The following IKZF1 variants were observed in gnomAD, a reference collection of about 807,000 sequenced individuals.
IKZF1 encodes the protein IKAROS family zinc finger 1, also known as DNA-binding protein Ikaros.
A neutral mutation model predicts 51.7 loss-of-function variants in IKZF1; 10 were observed. The observed-to-expected ratio is 0.19, with a 90% CI of 0.12 to 0.33. The LOEUF (loss-of-function observed/expected upper bound fraction) is 0.33, where lower values mean the gene tolerates loss of function less well. IKZF1 is among the 10% of genes least tolerant of loss of function. The probability of loss-of-function intolerance (pLI) is 1.00; values close to 1 mark genes in which losing one functional copy is unlikely to be tolerated. For synonymous variants in IKZF1, 280 were observed against 282.3 expected (o/e 0.99, Z 0.08); for missense variants, 484 against 707.5 (o/e 0.68, Z 3.58).
intron 4 of IKZF1, among the ~76,000 whole-genome samples, chr7:50,379,251 G>A (rs77254606): frequency 0.055 from 8,368 of 152,260 alleles, 259 homozygotes; most frequent in East Asian, 0.12. Flanking sequence ...CTGGGGCTTA[G>A]GTACGACGGG....
chr7:50,321,537 T>C (rs1325781156), intron 2 of IKZF1, among the ~76,000 whole-genome samples: 2 of 152,246 alleles, frequency 1.3e-5, no homozygotes, highest in East Asian at 3.8e-4. Flanking sequence ...GCTTTCATTG[T>C]TCTGCTCTTC....
At chr7:50,307,737 A>G (rs1789149487) in intron 1 of IKZF1, among the ~76,000 whole-genome samples, 1 of 152,238 alleles carries the variant, frequency 6.6e-6, no homozygotes, top group African/African-American at 2.4e-5. Context: ...AAAAGGGCAC[A>G]TGTACATTTT....
intron 3 of IKZF1, among the ~76,000 whole-genome samples, chr7:50,373,306 C>T (rs1584864899): frequency 6.6e-6 from 1 of 152,226 alleles, no homozygotes; most frequent in East Asian, 1.9e-4. Flanking sequence ...ACAGCACACG[C>T]CATAGAGCAT....
rs757521297 is a variant in IKZF1 at position 50,382,545 on chromosome 7, C to T, written c.427C>T (p.Arg143Trp). The change falls in exon 5 of 8, where the codon CGG becomes TGG. Residue 143 changes from arginine to tryptophan, a missense_variant. Arg to Trp is a moderately radical substitution (Grantham distance 101, BLOSUM62 -3). Transcript: ENST00000331340. ...CTCTCCTCTCTCCGTCCCAGGAGAA[C>T]GGCCCTTCCAGTGCAATCAGTGCGG... ...MVHKRSHTGE[R>W]PFQCNQCGAS... 2 of 1,612,082 alleles carry T rather than the reference C, an allele frequency of 1.2e-6. No individual in the cohort carries two copies. The highest frequency in any genetic ancestry group is 1.7e-6 in the Non-Finnish European group (2 of 1,178,582).
chr7:50,363,531 A>T (rs1805895655), intron 3 of IKZF1, among the ~76,000 whole-genome samples: 2 of 151,778 alleles, frequency 1.3e-5, no homozygotes, highest in African/African-American at 4.8e-5. Context: ...ACCACCCAGC[A>T]CTCCCCAGCT....
chr7:50,366,248 C>G (rs1441648037), intron 3 of IKZF1, among the ~76,000 whole-genome samples: 1 of 152,034 alleles, frequency 6.6e-6, no homozygotes, highest in South Asian at 2.1e-4. Context: ...TACTCCTGAA[C>G]TTAAAAGTTA....
intron 3 of IKZF1, among the ~76,000 whole-genome samples, chr7:50,332,113 A>T (rs1342162449): frequency 6.6e-6 from 1 of 152,340 alleles, no homozygotes; most frequent in Non-Finnish European, 1.5e-5. Context: ...CATGGCACAC[A>T]TGCTAGAGAA....
intron 6 of IKZF1, among the ~76,000 whole-genome samples, chr7:50,387,897 G>A (rs1813889287): frequency 6.6e-6 from 1 of 152,108 alleles, no homozygotes; most frequent in Non-Finnish European, 1.5e-5. Flanking sequence ...GAACTTTCAG[G>A]CTGTGATTTT....
chr7:50,367,733 C>T, intron 3 of IKZF1: 1 of 372,194 alleles, frequency 2.7e-6, no homozygotes, highest in South Asian at 3.5e-5. Context: ...GGGGCTGCAC[C>T]CTCTAAGATG....
chr7:50,369,102 C>T (rs1000947770), intron 3 of IKZF1: 2 of 230,892 alleles, frequency 8.7e-6, no homozygotes, highest in Admixed American at 1.1e-4. Context: ...AGCTTGATAC[C>T]TACTTTTTGA....
rs577405245 is a variant in IKZF1 at position 50,384,360 on chromosome 7, G to C, written c.589+1653G>C. On this transcript the variant is annotated intron_variant, in intron 5 of 7. Transcript: ENST00000331340. ...TGACCTCCTTCCTGGCGGTGCACATGGAGAAGGATCCCCACATGCTCGCCA... is the reference window on the plus strand; with the variant it reads ...TGACCTCCTTCCTGGCGGTGCACATCGAGAAGGATCCCCACATGCTCGCCA... Among the ~76,000 whole-genome samples, 5 of 152,344 alleles carry C rather than the reference G, an allele frequency of 3.3e-5. No individual in the cohort carries two copies. In the East Asian group the frequency reaches 9.6e-4, roughly 29 times the overall value.
At chr7:50,389,112 C>CATTT (rs1431387655) in intron 6 of IKZF1, among the ~76,000 whole-genome samples, 2 of 152,222 alleles carry the variant, frequency 1.3e-5, no homozygotes, top group African/African-American at 2.4e-5. Context: ...AAGCAGCACT[C>CATTT]ATTTCACTGA....
At chr7:50,367,791 T>C (rs1807399943) in intron 3 of IKZF1, 1 of 544,334 alleles carries the variant, frequency 1.8e-6, no homozygotes, top group Non-Finnish European at 3.3e-6. Context: ...GATATAATGC[T>C]GTGAGTTGAC....
chr7:50,369,732 C>T (rs537509612), intron 3 of IKZF1: 36 of 396,132 alleles, frequency 9.1e-5, no homozygotes, highest in Middle Eastern at 6.3e-4. Context: ...AGTTTGTGTC[C>T]GTAGTTGCTG....
chr7:50,369,454 T>C (rs889379775), intron 3 of IKZF1: 5 of 398,446 alleles, frequency 1.3e-5, no homozygotes, highest in Non-Finnish European at 1.8e-5. Context: ...GGATATGCTT[T>C]CTGTCTATAT....
rs114128428 is a variant in IKZF1, at chr7:50,361,467, A to T, written c.161-15066A>T. ...TGAATGTTTTCCCCTAAATTGTTAT[A>T]TGGAGATCCTGGACCCGGAAGTTGG... On this transcript the variant is annotated intron_variant, in intron 3 of 7. Coordinates refer to ENST00000331340, the MANE Select transcript of IKZF1 (RefSeq NM_006060.6). Among the ~76,000 whole-genome samples, 362 of 152,318 alleles carry T rather than the reference A, an allele frequency of 2.4e-3. 2 individuals are homozygous for T. The highest frequency in any genetic ancestry group is 8.4e-3 in the African/African-American group (350 of 41,576).
chr7:50,387,470 G>T lies in IKZF1; in HGVS notation c.715G>T (p.Val239Phe). The change falls in exon 6 of 8, where the codon GTC (valine) becomes TTC (phenylalanine). Residue 239 changes from valine (V) to phenylalanine (F), a missense_variant and splice_region_variant. Val to Phe is a conservative substitution (Grantham distance 50). Coordinates refer to ENST00000331340, the MANE Select transcript of IKZF1 (RefSeq NM_006060.6). ...GGGCCTTCCGGGCACACTGTACCCA[G>T]GTAAGCGCTGCTGCTCGGAGGCCAG... ...SMGLPGTLYP[V>F]IKEETNHSEM... 6.2e-7 allele frequency: 1 copy of T among 1,608,370 alleles called. No homozygotes were observed. The highest frequency in any genetic ancestry group is 8.5e-7 in the Non-Finnish European group (1 of 1,177,710).
rs185778742 is a variant in IKZF1 at position 50,354,728 on chromosome 7, A to G, written c.161-21805A>G. Reference sequence around the variant, plus strand: ...CCTAGTATTGGTGAAGAATTTTTAAAGTAACCAACCCATACCGTTGGTTAC... The same window carrying G: ...CCTAGTATTGGTGAAGAATTTTTAAGGTAACCAACCCATACCGTTGGTTAC... On this transcript the variant is annotated intron_variant, in intron 3 of 7. Coordinates refer to ENST00000331340, the MANE Select transcript of IKZF1 (RefSeq NM_006060.6). Among the ~76,000 whole-genome samples, 7 of 152,194 alleles carry G rather than the reference A, an allele frequency of 4.6e-5. No homozygotes were observed. The East Asian group carries it at 1.2e-3, about 25-fold the overall frequency.
At chr7:50,396,685 A>G (rs1354008291) in intron 7 of IKZF1, among the ~76,000 whole-genome samples, 2 of 152,018 alleles carry the variant, frequency 1.3e-5, no homozygotes, top group African/African-American at 2.4e-5. Context: ...TCTTCCCACT[A>G]TATTTTTTTT....
Sources: gnomAD v4.1 joint callset for allele counts (sites outside exome capture counted in the v4.1 genomes callset) on GRCh38, gnomAD v4.1.1 for gene constraint, MANE v1.5 for transcripts, NCBI Gene and HGNC (gene_info 2026-07-23, HGNC 2026-07-21) for gene names.